Variants in ARHGAP36 observed in about 807,000 individuals in gnomAD.
The protein encoded by ARHGAP36 is Rho GTPase activating protein 36.
Under a neutral mutation model 32.9 loss-of-function variants are expected in ARHGAP36, and 7 were observed. The ratio of observed to expected loss-of-function variants is 0.21; its 90% CI spans 0.12 to 0.40. The LOEUF (loss-of-function observed/expected upper bound fraction) is 0.40, where lower values mean the gene tolerates loss of function less well. ARHGAP36 is among the 10% of genes least tolerant of loss of function. ARHGAP36 has a pLI of 1.00. For missense variants in ARHGAP36, 383 were observed against 442.2 expected (o/e 0.87, Z 1.20); for synonymous variants, 165 against 168.3 (o/e 0.98, Z 0.15).
chrX:131,083,075 C>T lies in ARHGAP36; in HGVS notation c.254-90C>T, dbSNP rs1207721358. ...AGAGCTCGCCTCTCTGCCGCTCCCT[C>T]CCCCTGCTGCAGATCAGGGCATTGG... On this transcript the variant is annotated intron_variant, in intron 2 of 11. Transcript: ENST00000276211. 1.4e-5 allele frequency: 13 copies of T among 926,951 alleles called. 1 individual carries two copies. The Admixed American group carries it at 3.5e-4, about 25-fold the overall frequency. The allele number at this position is 926,951 out of a possible 1,213,427, so 76.4% of individuals were successfully genotyped here.
chrX:131,064,205 AC>A (rs1427896509), intron 1 of ARHGAP36, among the ~76,000 whole-genome samples: 5 of 111,959 alleles, frequency 4.5e-5, no homozygotes, highest in Non-Finnish European at 9.4e-5. Flanking sequence ...GGAAGTCTGG[AC>A]AGTGAGCAGA....
chrX:131,086,825 G>A (rs1044135257), intron 11 of ARHGAP36, among the ~76,000 whole-genome samples, 160 bp downstream of exon 11: 2 of 111,786 alleles, frequency 1.8e-5, no homozygotes, highest in Non-Finnish European at 3.8e-5. Context: ...CTTAATCAAG[G>A]AGTAGTCTTT....
chrX:131,088,375 G>A (rs1349180500), intron 11 of ARHGAP36, among the ~76,000 whole-genome samples: 1 of 111,985 alleles, frequency 8.9e-6, no homozygotes, highest in Non-Finnish European at 1.9e-5. Context: ...TCTGAGCGCA[G>A]GGTATCTGTC....
At chrX:131,084,013 G>T in intron 4 of ARHGAP36, 44 bp downstream of exon 4, 1 of 1,172,683 alleles carries the variant, frequency 8.5e-7, no homozygotes, top group Non-Finnish European at 1.2e-6. Context: ...CTCTCCTGAG[G>T]TATGCAGGAA....
intron 1 of ARHGAP36, among the ~76,000 whole-genome samples, chrX:131,071,693 G>A (rs1434696212): frequency 8.9e-6 from 1 of 112,033 alleles, no homozygotes; most frequent in Non-Finnish European, 1.9e-5. Context: ...GCCAGCAGCT[G>A]TACTCTATCC....
intron 1 of ARHGAP36, among the ~76,000 whole-genome samples, chrX:131,078,298 A>C (rs996754203): frequency 5.3e-5 from 6 of 112,257 alleles, no homozygotes; most frequent in African/African-American, 1.9e-4. Context: ...CTTTCTTAAG[A>C]TCACACAGCT....
intron 2 of ARHGAP36, among the ~76,000 whole-genome samples, chrX:131,082,178 G>A (rs190809228): frequency 1.3e-3 from 146 of 112,411 alleles, no homozygotes; most frequent in African/African-American, 4.5e-3. Flanking sequence ...AGATGTCAGG[G>A]ACAGACAAGT....
Position 131,086,682 on chromosome X carries a change from A to G in ARHGAP36, c.1486+17A>G. On this transcript the variant is annotated intron_variant, in intron 11 of 11. Transcript: ENST00000276211. Reference sequence around the variant, plus strand: ...CTGATGAAGGTCAGTTCCCTGCTGGAGGTCAGGCCCTTGCTGAAGGTCAGT... The same window carrying G: ...CTGATGAAGGTCAGTTCCCTGCTGGGGGTCAGGCCCTTGCTGAAGGTCAGT... The G allele has an allele frequency of 8.3e-7, 1 of 1,198,125 alleles. No individual in the cohort carries two copies. The highest frequency in any genetic ancestry group is 3.0e-5 in the East Asian group (1 of 33,784).
chrX:131,068,399 G>A (rs2148637083), intron 1 of ARHGAP36, among the ~76,000 whole-genome samples: 1 of 112,290 alleles, frequency 8.9e-6, no homozygotes, highest in African/African-American at 3.2e-5. Context: ...CTTTTGACCT[G>A]GGGTGTTGCC....
intron 1 of ARHGAP36, among the ~76,000 whole-genome samples, chrX:131,069,171 C>T (rs767188149): frequency 8.9e-6 from 1 of 112,568 alleles, no homozygotes; most frequent in Admixed American, 9.3e-5. Flanking sequence ...CCGCCATAAG[C>T]GGACTATGCG....
chrX:131,077,939 G>GT (rs548692099), intron 1 of ARHGAP36, among the ~76,000 whole-genome samples: 2,011 of 108,783 alleles, frequency 0.018, 12 homozygotes, highest in South Asian at 0.045. Flanking sequence ...TTTATAAAAT[G>GT]TTTTTTTTAA....
chrX:131,078,306 G>C (rs1480060949), intron 1 of ARHGAP36, among the ~76,000 whole-genome samples: 2 of 111,975 alleles, frequency 1.8e-5, no homozygotes, highest in South Asian at 3.8e-4. Context: ...AGATCACACA[G>C]CTAAGAAATC....
Position 131,083,247 on chromosome X carries a change from A to G in ARHGAP36, c.319+17A>G. The G allele has an allele frequency of 8.4e-7, 1 of 1,194,694 alleles. No homozygotes were observed. Among genetic ancestry groups the G allele is most frequent in the Non-Finnish European group, 1.1e-6 (1 of 885,798 alleles). Reference sequence around the variant, plus strand: ...AGCAGAGGGGTGAGGGGGCTCTTGTATTTTCTTTAGAAAAGAAATAGAATG... The same window carrying G: ...AGCAGAGGGGTGAGGGGGCTCTTGTGTTTTCTTTAGAAAAGAAATAGAATG... On this transcript the variant is annotated intron_variant, in intron 3 of 11. Transcript: ENST00000276211.
At chrX:131,072,750 C>T (rs1444707719) in intron 1 of ARHGAP36, among the ~76,000 whole-genome samples, 1 of 111,539 alleles carries the variant, frequency 9.0e-6, no homozygotes, top group Non-Finnish European at 1.9e-5. Context: ...TTGTGGGGTA[C>T]AGTGAGAACC....
intron 11 of ARHGAP36, among the ~76,000 whole-genome samples, chrX:131,087,277 G>A (rs926937832): frequency 8.9e-6 from 1 of 112,025 alleles, no homozygotes. Context: ...TCTTGAAGAT[G>A]TCCCAGCTGT....
intron 2 of ARHGAP36, 135 bp downstream of exon 2, chrX:131,082,053 T>C: frequency 4.9e-6 from 4 of 810,302 alleles, no homozygotes; most frequent in Non-Finnish European, 6.9e-6. Flanking sequence ...TCTCCTGGCG[T>C]CTGGGGAACT....
intron 1 of ARHGAP36, among the ~76,000 whole-genome samples, chrX:131,067,412 C>T (rs904253615): frequency 1.8e-5 from 2 of 113,529 alleles, no homozygotes; most frequent in East Asian, 2.8e-4. Flanking sequence ...CCTCTTCTTT[C>T]CTTTAAGCAG....
intron 1 of ARHGAP36, 143 bp downstream of exon 1, chrX:131,058,587 T>A (rs902424396): frequency 2.1e-4 from 108 of 520,271 alleles, no homozygotes; most frequent in Non-Finnish European, 1.7e-4. Flanking sequence ...TGTTCCTGGC[T>A]CAAGGGACTG....
intron 1 of ARHGAP36, among the ~76,000 whole-genome samples, chrX:131,073,836 A>AGATG (rs2079745506): frequency 1.8e-5 from 2 of 111,070 alleles, no homozygotes; most frequent in South Asian, 3.9e-4. Context: ...GGGGATGGAT[A>AGATG]GATGGATGGA....
Sources: allele counts gnomAD v4.1 joint callset (sites outside exome capture counted in the v4.1 genomes callset), GRCh38; gene constraint gnomAD v4.1.1; transcripts MANE v1.5; gene names NCBI Gene and HGNC (gene_info 2026-07-23, HGNC 2026-07-21).